Variants in LHFPL3 observed in about 807,000 individuals in gnomAD.
LHFPL3 encodes LHFPL tetraspan subfamily member 3 protein.
A neutral mutation model predicts 19.3 loss-of-function variants in LHFPL3; 5 were observed. The observed-to-expected ratio is 0.26, with a 90% CI of 0.14 to 0.54. The LOEUF (loss-of-function observed/expected upper bound fraction) is 0.54. Among genes scored for constraint, LHFPL3 ranks in the 20% least tolerant of loss-of-function variants. The pLI is 0.94. For synonymous variants in LHFPL3, 133 were observed against 126.2 expected (o/e 1.05, Z -0.36); for missense variants, 249 against 307.4 (o/e 0.81, Z 1.42).
chr7:104,784,229 C>T (rs1218405928), intron 2 of LHFPL3, among the ~76,000 whole-genome samples: 1 of 152,114 alleles, frequency 6.6e-6, no homozygotes, highest in Non-Finnish European at 1.5e-5. Flanking sequence ...TCATAAATTA[C>T]TTGGGAACTT....
intron 1 of LHFPL3, among the ~76,000 whole-genome samples, chr7:104,382,052 A>T (rs1790839461): frequency 6.6e-6 from 1 of 152,166 alleles, no homozygotes; most frequent in Non-Finnish European, 1.5e-5. Flanking sequence ...ATCCCTGGAT[A>T]TCCCTTACCT....
intron 2 of LHFPL3, among the ~76,000 whole-genome samples, chr7:104,798,624 T>C (rs1275273087): frequency 6.6e-6 from 1 of 152,206 alleles, no homozygotes; most frequent in African/African-American, 2.4e-5. Flanking sequence ...ATGACAATAT[T>C]TTTTAAAGTG....
intron 1 of LHFPL3, among the ~76,000 whole-genome samples, chr7:104,397,199 C>T (rs1373713827): frequency 6.6e-6 from 1 of 151,826 alleles, no homozygotes; most frequent in Non-Finnish European, 1.5e-5. Flanking sequence ...GTGAATTTTC[C>T]AATAAAATTA....
At chr7:104,806,356 T>C (rs1324964550) in intron 2 of LHFPL3, among the ~76,000 whole-genome samples, 1 of 152,244 alleles carries the variant, frequency 6.6e-6, no homozygotes, top group East Asian at 1.9e-4. Context: ...GGGAAATTTT[T>C]CTACCAGAGT....
intron 1 of LHFPL3, among the ~76,000 whole-genome samples, chr7:104,349,648 C>T (rs1210194457): frequency 6.6e-6 from 1 of 152,212 alleles, no homozygotes; most frequent in Non-Finnish European, 1.5e-5. Flanking sequence ...GTGCATCAAA[C>T]CACCATAGCA....
chr7:104,727,572 A>C (rs1412682554), intron 1 of LHFPL3, among the ~76,000 whole-genome samples: 1 of 152,206 alleles, frequency 6.6e-6, no homozygotes, highest in Non-Finnish European at 1.5e-5. Context: ...CCCGGACCCT[A>C]AGCTAGGAAT....
chr7:104,474,521 G>A (rs1792969438), intron 1 of LHFPL3, among the ~76,000 whole-genome samples: 1 of 151,838 alleles, frequency 6.6e-6, no homozygotes, highest in African/African-American at 2.4e-5. Flanking sequence ...AATAAAATTA[G>A]CCGGGCATGG....
Position 104,773,524 on chromosome 7 carries a change from C to T in LHFPL3, c.682+36613C>T, listed in dbSNP as rs554355048. On this transcript the variant is annotated intron_variant, in intron 2 of 2. Transcript: ENST00000424859. Reference sequence around the variant, plus strand: ...CATAGAGATTCTGAGAACTATCCCTCGTGCTATGGGTTGAATTGCATCCCC... The same window carrying T: ...CATAGAGATTCTGAGAACTATCCCTTGTGCTATGGGTTGAATTGCATCCCC... 1.1e-4 allele frequency among the ~76,000 whole-genome samples: 17 copies of T among 152,308 alleles called. No individual in the cohort carries two copies. In the South Asian group the frequency reaches 1.9e-3, roughly 17 times the overall value.
At chr7:104,376,052 A>C (rs797014041) in intron 1 of LHFPL3, among the ~76,000 whole-genome samples, 15 of 152,326 alleles carry the variant, frequency 9.8e-5, no homozygotes, top group African/African-American at 3.6e-4. Flanking sequence ...ATCCTTATGC[A>C]GGTTGAAATT....
At chr7:104,827,584 A>G (rs943010011) in intron 2 of LHFPL3, among the ~76,000 whole-genome samples, 1 of 150,390 alleles carries the variant, frequency 6.6e-6, no homozygotes, top group Non-Finnish European at 1.5e-5. Context: ...CAGTATTTAA[A>G]CACTGTCTCA....
chr7:104,816,015 T>C (rs914314324), intron 2 of LHFPL3, among the ~76,000 whole-genome samples: 1 of 152,148 alleles, frequency 6.6e-6, no homozygotes, highest in African/African-American at 2.4e-5. Flanking sequence ...CAGCACCCCT[T>C]GGCACAATGA....
At chr7:104,585,495 A>ACC in intron 1 of LHFPL3, among the ~76,000 whole-genome samples, 1 of 150,588 alleles carries the variant, frequency 6.6e-6, no homozygotes, top group Admixed American at 6.6e-5. Context: ...ACACACACAC[A>ACC]CACACACACA....
intron 1 of LHFPL3, among the ~76,000 whole-genome samples, chr7:104,594,694 C>G (rs888767504): frequency 1.3e-5 from 2 of 152,210 alleles, no homozygotes; most frequent in Non-Finnish European, 2.9e-5. Context: ...TAGATTTGGT[C>G]TTTTCACATA....
intron 1 of LHFPL3, among the ~76,000 whole-genome samples, chr7:104,472,367 A>G (rs555772549): frequency 1.8e-4 from 27 of 152,302 alleles, no homozygotes; most frequent in African/African-American, 6.3e-4. Flanking sequence ...ACGAAACACT[A>G]TCCTCAAAGG....
chr7:104,583,470 T>C (rs1336151831), intron 1 of LHFPL3, among the ~76,000 whole-genome samples: 1 of 152,102 alleles, frequency 6.6e-6, no homozygotes, highest in Non-Finnish European at 1.5e-5. Context: ...GGGATCTAAT[T>C]AAACTAAAGA....
At chr7:104,703,523 T>C (rs968798143) in intron 1 of LHFPL3, among the ~76,000 whole-genome samples, 5 of 152,196 alleles carry the variant, frequency 3.3e-5, no homozygotes, top group African/African-American at 1.2e-4. Context: ...GCTTAAATGC[T>C]TTTGACTTTG....
chr7:104,383,941 A>G (rs534888295), intron 1 of LHFPL3, among the ~76,000 whole-genome samples: 1 of 152,338 alleles, frequency 6.6e-6, no homozygotes, highest in South Asian at 2.1e-4. Context: ...GCCTTCCCTC[A>G]GCTCTCAAGA....
intron 1 of LHFPL3, among the ~76,000 whole-genome samples, chr7:104,631,222 G>A (rs1584450653): frequency 1.3e-5 from 2 of 152,306 alleles, no homozygotes; most frequent in Middle Eastern, 3.4e-3. Context: ...TAAGTTTGCA[G>A]CTGAGGTAAT....
At chr7:104,817,922 T>A (rs569079421) in intron 2 of LHFPL3, among the ~76,000 whole-genome samples, 2 of 152,304 alleles carry the variant, frequency 1.3e-5, no homozygotes, top group East Asian at 3.9e-4. Flanking sequence ...TAATTGTAGG[T>A]TAATTAAAAT....
Sources: gnomAD v4.1 joint callset for allele counts (sites outside exome capture counted in the v4.1 genomes callset) on GRCh38, gnomAD v4.1.1 for gene constraint, MANE v1.5 for transcripts, NCBI Gene and HGNC (gene_info 2026-07-23, HGNC 2026-07-21) for gene names.